Variants in GRID1 observed in about 807,000 individuals in gnomAD.
GRID1 encodes glutamate receptor ionotropic, delta-1.
GRID1 carries 28 observed loss-of-function variants against 98.0 expected under a neutral mutation model. The observed-to-expected ratio is 0.29, with a 90% CI of 0.21 to 0.39. The LOEUF (loss-of-function observed/expected upper bound fraction) is 0.39. Ranked by LOEUF, GRID1 falls within the 10% of genes least tolerant of loss-of-function variation. The pLI is 1.00. For missense variants in GRID1, 1,111 were observed against 1,340.5 expected (o/e 0.83, Z 2.67); for synonymous variants, 553 against 538.5 (o/e 1.03, Z -0.37).
rs147314338 is a variant in GRID1 at position 85,639,805 on chromosome 10, G to A, written c.2193+7397C>T. Among the ~76,000 whole-genome samples the A allele has an allele frequency of 2.3e-3, 355 of 152,260 alleles. 2 individuals are homozygous for A. Among genetic ancestry groups the A allele is most frequent in the African/African-American group, 8.2e-3 (342 of 41,546 alleles). On this transcript the variant is annotated intron_variant, in intron 13 of 15. Transcript: ENST00000327946. ...GGAGAATCGCTTGAACCTGGGAGGC[G>A]GAGGTTGCGGTGAGCTGAGATCACC... is the stretch of plus-strand genomic sequence containing the variant.
intron 2 of GRID1, among the ~76,000 whole-genome samples, chr10:86,228,494 C>T (rs1341136383): frequency 2.0e-5 from 3 of 152,092 alleles, no homozygotes; most frequent in Admixed American, 1.3e-4. Context: ...CGCTGCCTTC[C>T]AGCAATCAGC....
intron 2 of GRID1, among the ~76,000 whole-genome samples, chr10:86,278,448 A>G (rs1260821698): frequency 6.6e-6 from 1 of 152,236 alleles, no homozygotes; most frequent in East Asian, 1.9e-4. Context: ...AAAATGATAA[A>G]ATAGAAAACA....
chr10:86,190,868 G>T (rs996008017), intron 3 of GRID1, among the ~76,000 whole-genome samples: 1 of 152,158 alleles, frequency 6.6e-6, no homozygotes, highest in Non-Finnish European at 1.5e-5. Context: ...GTGCACATGT[G>T]TGCATAGTCG....
intron 4 of GRID1, among the ~76,000 whole-genome samples, chr10:86,123,279 G>T (rs759264269): frequency 1.3e-5 from 2 of 152,232 alleles, no homozygotes; most frequent in Non-Finnish European, 1.5e-5. Flanking sequence ...GAGGGCCATA[G>T]CCTGGAACCT....
chr10:85,648,022 AC>A (rs1453195459), intron 12 of GRID1: 1 of 152,198 alleles, frequency 6.6e-6, no homozygotes, highest in African/African-American at 2.4e-5. Flanking sequence ...GACCTCCTCA[AC>A]CAATTTGGTC....
At chr10:86,353,227 C>A (rs778185288) in intron 2 of GRID1, among the ~76,000 whole-genome samples, 7 of 152,234 alleles carry the variant, frequency 4.6e-5, no homozygotes, top group Non-Finnish European at 8.8e-5. Flanking sequence ...GAGCACATGA[C>A]CAGGCCAGTC....
intron 4 of GRID1, among the ~76,000 whole-genome samples, chr10:85,978,224 C>T (rs186472342): frequency 1.0e-3 from 152 of 152,282 alleles, no homozygotes; most frequent in African/African-American, 3.5e-3. Flanking sequence ...GGTTCAGGGT[C>T]AACACCATGC....
intron 8 of GRID1, among the ~76,000 whole-genome samples, chr10:85,743,510 A>C (rs1212559142): frequency 1.3e-5 from 2 of 152,178 alleles, no homozygotes; most frequent in African/African-American, 2.4e-5. Context: ...AAAATATAAA[A>C]TATGTGGAAT....
chr10:85,820,780 C>A (rs1280870704), intron 8 of GRID1, among the ~76,000 whole-genome samples: 1 of 152,002 alleles, frequency 6.6e-6, no homozygotes. Context: ...GGAGGCAAGG[C>A]TGTAGAAGAA....
At chr10:85,783,005 C>T (rs983076607) in intron 8 of GRID1, among the ~76,000 whole-genome samples, 7 of 152,280 alleles carry the variant, frequency 4.6e-5, no homozygotes, top group African/African-American at 1.2e-4. Context: ...GATCTCTCCA[C>T]GTCTCCAACA....
chr10:86,319,196 C>A (rs372625791), intron 2 of GRID1, among the ~76,000 whole-genome samples: 166 of 152,214 alleles, frequency 1.1e-3, no homozygotes, highest in African/African-American at 3.9e-3. Context: ...CAAAATGAGA[C>A]AAGATCATGA....
chr10:85,746,363 T>C (rs1210309004), intron 8 of GRID1, among the ~76,000 whole-genome samples: 1 of 152,164 alleles, frequency 6.6e-6, no homozygotes, highest in African/African-American at 2.4e-5. Context: ...GCAGGTTGCA[T>C]GTTCCAAGTC....
chr10:85,985,585 C>A lies in GRID1; in HGVS notation c.727-69346G>T, dbSNP rs145850194. On this transcript the variant is annotated intron_variant, in intron 4 of 15. Coordinates refer to ENST00000327946, the MANE Select transcript of GRID1 (RefSeq NM_017551.3). ...CCTGGAACCCCAGATGCAGCAAGAA[C>A]CTACATCTGGGTTCCCAGGATGGCC... is the stretch of plus-strand genomic sequence containing the variant. 4.6e-4 allele frequency among the ~76,000 whole-genome samples: 70 copies of A among 152,312 alleles called. 1 individual carries two copies. In the East Asian group the frequency reaches 0.011, roughly 23 times the overall value.
chr10:85,749,508 A>G (rs1251330484), intron 8 of GRID1, among the ~76,000 whole-genome samples: 1 of 152,184 alleles, frequency 6.6e-6, no homozygotes, highest in East Asian at 1.9e-4. Flanking sequence ...CATCCCCTAC[A>G]TAGGACACAG....
intron 2 of GRID1, among the ~76,000 whole-genome samples, chr10:86,244,123 T>C (rs900668563): frequency 2.6e-5 from 4 of 152,190 alleles, no homozygotes; most frequent in Non-Finnish European, 5.9e-5. Flanking sequence ...GGGTGAGGGC[T>C]GATAGTGGGA....
intron 8 of GRID1, among the ~76,000 whole-genome samples, chr10:85,749,244 T>C (rs1842024459): frequency 6.6e-6 from 1 of 152,190 alleles, no homozygotes; most frequent in African/African-American, 2.4e-5. Context: ...CAATGGGGTC[T>C]CTTGCTTCTG....
At chr10:85,649,760 C>G (rs1320475872) in intron 12 of GRID1, among the ~76,000 whole-genome samples, 1 of 152,160 alleles carries the variant, frequency 6.6e-6, no homozygotes, top group Non-Finnish European at 1.5e-5. Context: ...GGGAACGTCT[C>G]TGGTTAACAA....
chr10:85,957,673 C>T (rs866752979), intron 4 of GRID1, among the ~76,000 whole-genome samples: 5 of 152,216 alleles, frequency 3.3e-5, no homozygotes, highest in East Asian at 1.9e-4. Flanking sequence ...ATCTAGAACA[C>T]CCTGAATCCC....
chr10:86,163,132 T>C (rs1241119923), intron 3 of GRID1, among the ~76,000 whole-genome samples: 1 of 152,182 alleles, frequency 6.6e-6, no homozygotes, highest in Non-Finnish European at 1.5e-5. Flanking sequence ...AATGGGCCAG[T>C]ACCCTCAGTG....
Sources: allele counts gnomAD v4.1 joint callset (sites outside exome capture counted in the v4.1 genomes callset), GRCh38; gene constraint gnomAD v4.1.1; transcripts MANE v1.5; gene names NCBI Gene and HGNC (gene_info 2026-07-23, HGNC 2026-07-21).